LHFPL3: variants seen among roughly 807,000 people sequenced by gnomAD.
LHFPL3 encodes the protein LHFPL tetraspan subfamily member 3 protein.
In LHFPL3, 5 loss-of-function variants were observed where a neutral mutation model predicts 19.3. The observed-to-expected ratio is 0.26, with a 90% CI of 0.14 to 0.54. The LOEUF (loss-of-function observed/expected upper bound fraction) is 0.54, where lower values mean the gene tolerates loss of function less well. LHFPL3 is among the 20% of genes least tolerant of loss of function. The pLI, the probability that LHFPL3 is intolerant of heterozygous loss-of-function variation, is 0.94. For missense variants in LHFPL3, 249 were observed against 307.4 expected (o/e 0.81, Z 1.42); for synonymous variants, 133 against 126.2 (o/e 1.05, Z -0.36).
At chr7:104,824,525 TATATATA>T (rs1562804746) in intron 2 of LHFPL3, among the ~76,000 whole-genome samples, 1 of 62,442 alleles carries the variant, frequency 1.6e-5, no homozygotes, top group African/African-American at 6.0e-5. Flanking sequence ...TATATTATTT[TATATATA>T]ATATATATAA....
chr7:104,727,561 A>T (rs187838484), intron 1 of LHFPL3, among the ~76,000 whole-genome samples: 14 of 152,332 alleles, frequency 9.2e-5, no homozygotes, highest in Admixed American at 8.5e-4. Context: ...GTAAAAAGTA[A>T]CCCGGACCCT....
rs200400902 is a variant in LHFPL3 at position 104,544,986 on chromosome 7, C to T, written c.446-191689C>T. ...ATTAGATAAAACCTGACAGTTTTTT[C>T]GTAAGGATTTATGCCAAAATGGGTA... On this transcript the variant is annotated intron_variant, in intron 1 of 2. Coordinates refer to ENST00000424859, the MANE Select transcript of LHFPL3 (RefSeq NM_199000.3). 2.8e-3 allele frequency among the ~76,000 whole-genome samples: 409 copies of T among 147,244 alleles called. 1 individual carries two copies. Among genetic ancestry groups the T allele is most frequent in the African/African-American group, 9.7e-3 (394 of 40,446 alleles).
chr7:104,522,459 C>T lies in LHFPL3; in HGVS notation c.445+193235C>T, dbSNP rs1481815999. Among the ~76,000 whole-genome samples, 5 of 150,900 alleles carry T rather than the reference C, an allele frequency of 3.3e-5. No individual in the cohort carries two copies. In the South Asian group the frequency reaches 8.4e-4, roughly 25 times the overall value. ...CGAGATGACGAGTTAGTGGGTGCAG[C>T]GCACCAGCATGGCACATGTATACAA... On this transcript the variant is annotated intron_variant, in intron 1 of 2. Transcript: ENST00000424859.
At chr7:104,657,538 C>T (rs1792142666) in intron 1 of LHFPL3, among the ~76,000 whole-genome samples, 1 of 152,218 alleles carries the variant, frequency 6.6e-6, no homozygotes, top group African/African-American at 2.4e-5. Flanking sequence ...ATTGAATCCT[C>T]ACAGCAGCCC....
chr7:104,568,265 A>T (rs1026989421), intron 1 of LHFPL3, among the ~76,000 whole-genome samples: 1 of 152,216 alleles, frequency 6.6e-6, no homozygotes, highest in African/African-American at 2.4e-5. Flanking sequence ...CTGATGTGCA[A>T]TCATAGTTAA....
intron 1 of LHFPL3, among the ~76,000 whole-genome samples, chr7:104,711,510 A>G (rs1793299428): frequency 6.6e-6 from 1 of 152,220 alleles, no homozygotes; most frequent in South Asian, 2.1e-4. Context: ...CAAGCAGTGG[A>G]TTGCGTCCTG....
At position 104,637,470 on chromosome 7, in the gene LHFPL3, A is replaced by T. The variant is rs185364197; in HGVS notation, c.446-99205A>T. 4.6e-5 allele frequency among the ~76,000 whole-genome samples: 7 copies of T among 152,294 alleles called. No homozygotes were observed. In the East Asian group the frequency reaches 1.3e-3, roughly 29 times the overall value. On this transcript the variant is annotated intron_variant, in intron 1 of 2. Transcript: ENST00000424859. ...AATCTTTGCCAGTTCCTATGTCCAGAATGATACTTCCTAGGTTATCTTCTA... is the reference window on the plus strand; with the variant it reads ...AATCTTTGCCAGTTCCTATGTCCAGTATGATACTTCCTAGGTTATCTTCTA...
chr7:104,880,444 T>C (rs1402512327), intron 2 of LHFPL3, among the ~76,000 whole-genome samples: 3 of 152,092 alleles, frequency 2.0e-5, no homozygotes, highest in Non-Finnish European at 4.4e-5. Flanking sequence ...CCTCAGTTAC[T>C]CCTTTATAGC....
chr7:104,890,825 G>A (rs1028536563), intron 2 of LHFPL3, among the ~76,000 whole-genome samples: 7 of 152,112 alleles, frequency 4.6e-5, no homozygotes, highest in Non-Finnish European at 1.0e-4. Context: ...CTATGAAGAG[G>A]ACAAGGCCTG....
intron 1 of LHFPL3, among the ~76,000 whole-genome samples, chr7:104,627,373 A>G (rs189681352): frequency 4.3e-4 from 66 of 152,250 alleles, no homozygotes; most frequent in African/African-American, 1.6e-3. Context: ...TCATTCATCC[A>G]TTAATGGATG....
chr7:104,902,207 C>T (rs943889112), intron 2 of LHFPL3, among the ~76,000 whole-genome samples: 4 of 151,968 alleles, frequency 2.6e-5, no homozygotes, highest in Middle Eastern at 3.2e-3. Context: ...TAATGAGACC[C>T]CATCTCTATA....
chr7:104,451,559 T>C (rs1483606360), intron 1 of LHFPL3, among the ~76,000 whole-genome samples: 1 of 152,176 alleles, frequency 6.6e-6, no homozygotes, highest in East Asian at 1.9e-4. Flanking sequence ...AAATTAAAAA[T>C]GGGTAATCAT....
chr7:104,374,051 A>G (rs1171906016), intron 1 of LHFPL3, among the ~76,000 whole-genome samples: 1 of 152,156 alleles, frequency 6.6e-6, no homozygotes, highest in Non-Finnish European at 1.5e-5. Flanking sequence ...ATGAGGATTT[A>G]TAGTTTGTAG....
At chr7:104,648,547 G>T (rs1240722227) in intron 1 of LHFPL3, among the ~76,000 whole-genome samples, 4 of 152,148 alleles carry the variant, frequency 2.6e-5, no homozygotes, top group Non-Finnish European at 4.4e-5. Context: ...ATAAGTTTTG[G>T]TAACTTACCC....
At chr7:104,531,335 A>G (rs1794289873) in intron 1 of LHFPL3, among the ~76,000 whole-genome samples, 1 of 152,212 alleles carries the variant, frequency 6.6e-6, no homozygotes, top group Non-Finnish European at 1.5e-5. Flanking sequence ...TAACAATCAC[A>G]TCTGTTAGCC....
At chr7:104,710,625 T>C (rs1037330363) in intron 1 of LHFPL3, among the ~76,000 whole-genome samples, 1 of 152,218 alleles carries the variant, frequency 6.6e-6, no homozygotes, top group Admixed American at 6.5e-5. Flanking sequence ...TTTGGCAAGT[T>C]ATTTAAGTTC....
intron 2 of LHFPL3, among the ~76,000 whole-genome samples, chr7:104,773,241 G>C (rs1038730977): frequency 6.6e-6 from 1 of 152,338 alleles, no homozygotes; most frequent in East Asian, 1.9e-4. Flanking sequence ...ATCCTGGCAA[G>C]CTAACCAAGG....
intron 1 of LHFPL3, among the ~76,000 whole-genome samples, chr7:104,734,715 A>G (rs1431996516): frequency 5.9e-5 from 9 of 152,090 alleles, no homozygotes; most frequent in Non-Finnish European, 1.3e-4. Flanking sequence ...TCTTCTCTCA[A>G]CTCGTCAAAG....
intron 1 of LHFPL3, among the ~76,000 whole-genome samples, chr7:104,684,540 A>G (rs1792770668): frequency 6.6e-6 from 1 of 152,238 alleles, no homozygotes; most frequent in African/African-American, 2.4e-5. Context: ...TGTTACTATT[A>G]TTCTTCTTCC....
Sources: allele counts gnomAD v4.1 joint callset (sites outside exome capture counted in the v4.1 genomes callset), GRCh38; gene constraint gnomAD v4.1.1; transcripts MANE v1.5; gene names NCBI Gene and HGNC (gene_info 2026-07-23, HGNC 2026-07-21).